Variants in RBFOX3 observed in about 807,000 individuals in gnomAD.
The protein encoded by RBFOX3 is RNA binding protein fox-1 homolog 3.
A neutral mutation model predicts 48.7 loss-of-function variants in RBFOX3; 17 were observed. The observed-to-expected ratio is 0.35, with a 90% confidence interval of 0.24 to 0.52. The LOEUF (loss-of-function observed/expected upper bound fraction) is 0.52. Among genes scored for constraint, RBFOX3 ranks in the 20% least tolerant of loss-of-function variants. RBFOX3 has a pLI of 0.94. For missense variants in RBFOX3, 382 were observed against 497.5 expected (o/e 0.77, Z 2.21); for synonymous variants, 212 against 209.5 (o/e 1.01, Z -0.10).
At chr17:79,389,106 G>A (rs758808637) in intron 2 of RBFOX3, among the ~76,000 whole-genome samples, 6 of 152,002 alleles carry the variant, frequency 3.9e-5, no homozygotes, top group Non-Finnish European at 7.4e-5. Context: ...GCGCGGGGGG[G>A]CGGTGTGGCA....
chr17:79,653,281 A>G, the RBFOX3 span, among the ~76,000 whole-genome samples: 3 of 152,206 alleles, frequency 2.0e-5, no homozygotes, highest in Admixed American at 1.3e-4. Flanking sequence ...GTAACCTGTG[A>G]GTGCCAGGGC....
chr17:79,448,409 T>C (rs1343063202), intron 2 of RBFOX3, among the ~76,000 whole-genome samples: 1 of 152,210 alleles, frequency 6.6e-6, no homozygotes, highest in Non-Finnish European at 1.5e-5. Context: ...CATCCTGGAT[T>C]ATGATGGGCC....
chr17:79,257,652 C>T (rs936814757), intron 3 of RBFOX3, among the ~76,000 whole-genome samples: 16 of 152,350 alleles, frequency 1.1e-4, no homozygotes, highest in Middle Eastern at 3.4e-3. Flanking sequence ...GCAGTCTCAG[C>T]TCACTGCAGC....
At chr17:79,584,043 G>C (rs2093162560) in intron 1 of RBFOX3, among the ~76,000 whole-genome samples, 1 of 152,188 alleles carries the variant, frequency 6.6e-6, no homozygotes, top group Non-Finnish European at 1.5e-5. Flanking sequence ...TGGGAGAGGA[G>C]GAGGCAGGGG....
At chr17:79,257,325 A>G (rs2065042608) in intron 3 of RBFOX3, among the ~76,000 whole-genome samples, 1 of 152,212 alleles carries the variant, frequency 6.6e-6, no homozygotes, top group Admixed American at 6.5e-5. Flanking sequence ...TTTTCAGTTC[A>G]TGCTTTGGCA....
chr17:79,612,744 G>T (rs2093978362), upstream of RBFOX3, among the ~76,000 whole-genome samples: 1 of 152,220 alleles, frequency 6.6e-6, no homozygotes, highest in African/African-American at 2.4e-5. Flanking sequence ...CAGCTCTAAA[G>T]CCCTAATTGG....
chr17:79,570,225 T>C (rs946923198), intron 1 of RBFOX3, among the ~76,000 whole-genome samples: 45 of 150,776 alleles, frequency 3.0e-4, no homozygotes, highest in African/African-American at 1.1e-3. Context: ...GATAGATGAA[T>C]TATAGATGGA....
At chr17:79,106,978 TCA>T (rs1384088907) in intron 5 of RBFOX3, among the ~76,000 whole-genome samples, 190 bp from the exon 6 acceptor site, 7 of 152,050 alleles carry the variant, frequency 4.6e-5, no homozygotes, top group Non-Finnish European at 5.9e-5. Flanking sequence ...CAGGGGCACC[TCA>T]CACAGAGAGG....
rs2071650725 is a variant in RBFOX3 at position 79,443,735 on chromosome 17, G to C, written c.-175+38719C>G. Among the ~76,000 whole-genome samples the C allele has an allele frequency of 6.6e-6, 1 of 152,112 alleles. No individual in the cohort carries two copies. Among genetic ancestry groups the C allele is most frequent in the African/African-American group, 2.4e-5 (1 of 41,412 alleles). On this transcript the variant is annotated intron_variant, in intron 2 of 14. Transcript: ENST00000693108. The surrounding 1 kb of genome is among the most constrained non-coding windows in gnomAD (Gnocchi z 4.4). ...CGTTCTCACATGCTCACACTACTTG[G>C]GATCGCAGCCTCTTCTCCCTTGTCT...
chr17:79,530,056 T>C (rs1449742408), intron 1 of RBFOX3, among the ~76,000 whole-genome samples: 1 of 152,170 alleles, frequency 6.6e-6, no homozygotes, highest in Non-Finnish European at 1.5e-5. Flanking sequence ...ATCTCCGCCA[T>C]GGAGGAGCCA....
chr17:79,134,882 G>A (rs968803892), intron 4 of RBFOX3, among the ~76,000 whole-genome samples: 28 of 152,272 alleles, frequency 1.8e-4, no homozygotes, highest in Middle Eastern at 3.4e-3. Flanking sequence ...AGAGCACGGC[G>A]GGGCTGGCTT....
At chr17:79,179,806 G>C (rs1327668991) in intron 4 of RBFOX3, among the ~76,000 whole-genome samples, 1 of 152,152 alleles carries the variant, frequency 6.6e-6, no homozygotes, top group Non-Finnish European at 1.5e-5. Context: ...TGCCCTGAAA[G>C]GTGACCAGTA....
At chr17:79,156,568 C>T (rs1024814928) in intron 4 of RBFOX3, among the ~76,000 whole-genome samples, 7 of 152,186 alleles carry the variant, frequency 4.6e-5, no homozygotes, top group Non-Finnish European at 7.3e-5. Flanking sequence ...ACCAGGGATA[C>T]GCACAATTCA....
chr17:79,457,677 C>T (rs145012397), intron 2 of RBFOX3, among the ~76,000 whole-genome samples: 4 of 152,314 alleles, frequency 2.6e-5, no homozygotes, highest in South Asian at 2.1e-4. Flanking sequence ...AGAATGAATG[C>T]GTCCTAGGCC....
At chr17:79,657,145 T>C in the RBFOX3 span, among the ~76,000 whole-genome samples, 1 of 151,256 alleles carries the variant, frequency 6.6e-6, no homozygotes, top group Non-Finnish European at 1.5e-5. Flanking sequence ...AGGAGAAGAA[T>C]GAGGAGGAAG....
At chr17:79,415,356 A>AT (rs997431575) in intron 2 of RBFOX3, among the ~76,000 whole-genome samples, 9 of 152,174 alleles carry the variant, frequency 5.9e-5, no homozygotes, top group African/African-American at 1.7e-4. Flanking sequence ...TCCAAGGTCC[A>AT]TTTTTTGATC....
chr17:79,383,581 C>T (rs923638807), intron 2 of RBFOX3, among the ~76,000 whole-genome samples: 3 of 152,220 alleles, frequency 2.0e-5, no homozygotes, highest in African/African-American at 7.2e-5. Context: ...CTGCCTCCTG[C>T]CCCAACGTGT....
chr17:79,215,214 C>T (rs1254130902), intron 4 of RBFOX3, among the ~76,000 whole-genome samples: 1 of 152,064 alleles, frequency 6.6e-6, no homozygotes, highest in Non-Finnish European at 1.5e-5. Flanking sequence ...TCCCAGGCCC[C>T]AGACTGCATG....
At chr17:79,587,505 C>A (rs1380103571) in intron 1 of RBFOX3, among the ~76,000 whole-genome samples, 1 of 152,320 alleles carries the variant, frequency 6.6e-6, no homozygotes, top group East Asian at 1.9e-4. Context: ...GCCAGGCCAA[C>A]CCTGTTTGGG....
Sources: allele counts gnomAD v4.1 joint callset (sites outside exome capture counted in the v4.1 genomes callset), GRCh38; gene constraint gnomAD v4.1.1; non-coding constraint Gnocchi (gnomAD v3.1); transcripts MANE v1.5; gene names NCBI Gene and HGNC (gene_info 2026-07-23, HGNC 2026-07-21).